The following ANKFY1 variants were observed in gnomAD, a reference collection of about 807,000 sequenced individuals.
ANKFY1 encodes ankyrin repeat and FYVE domain-containing protein 1.
A neutral mutation model predicts 128.3 loss-of-function variants in ANKFY1; 47 were observed. The ratio of observed to expected loss-of-function variants is 0.37; its 90% CI spans 0.29 to 0.47. ANKFY1 has a LOEUF of 0.47. ANKFY1 is among the 20% of genes least tolerant of loss of function. The pLI, the probability that ANKFY1 is intolerant of heterozygous loss-of-function variation, is 1.00. For missense variants in ANKFY1, 1,222 were observed against 1,510.6 expected (o/e 0.81, Z 3.17); for synonymous variants, 553 against 601.6 (o/e 0.92, Z 1.18).
At position 4,187,248 on chromosome 17, in the gene ANKFY1, G is replaced by A. The variant is rs2059628992; in HGVS notation, c.1470+2134C>T. On this transcript the variant is annotated intron_variant, in intron 11 of 24. Coordinates refer to ENST00000341657, the MANE Select transcript of ANKFY1 (RefSeq NM_001330063.2). ...TTGCCCTCGCTTCTGGGAGCCTCAA[G>A]CATGCGTGTCACAGACTGATTCTGC... The A allele has an allele frequency of 2.3e-5, 9 of 399,180 alleles. No homozygotes were observed. In the East Asian group the frequency reaches 3.2e-4, roughly 14 times the overall value. The allele number at this position is 399,180 out of a possible 1,614,324, so 24.7% of individuals were successfully genotyped here. A position where few individuals can be genotyped will look rare whatever the true frequency, so the allele number is the denominator to read the frequency against.
In ANKFY1 at chr17:4,179,813, C is replaced by T. The variant is rs1475797513; in HGVS notation, c.2305G>A (p.Asp769Asn). Residue 769 changes from aspartate to asparagine, a missense_variant, in exon 17 of 25, where the codon GAT becomes AAT. Asp to Asn is a conservative substitution (Grantham distance 23, BLOSUM62 1). Coordinates refer to ENST00000341657, the MANE Select transcript of ANKFY1 (RefSeq NM_001330063.2). The stretch of plus-strand genomic sequence containing the variant: ...GCCAAATGCAAAGGGGTCTGCCCAT[C>T]TCTAGCCTCTTCCTCTCCTTCTCCA... ...ANGEGEEEARDGQTPLHLAAS... is the reference protein window; with the variant it reads ...ANGEGEEEARNGQTPLHLAAS... 3.7e-6 allele frequency: 6 copies of T among 1,614,138 alleles called. No homozygotes were observed. In the African/African-American group the frequency reaches 4.0e-5, roughly 11 times the overall value.
chr17:4,183,295 A>T, intron 14 of ANKFY1, 103 bp downstream of exon 14: 1 of 1,397,946 alleles, frequency 7.2e-7, no homozygotes, highest in Non-Finnish European at 9.8e-7. Context: ...CCTTTCCTCT[A>T]ACTAATATGA....
At position 4,209,893 on chromosome 17, in the gene ANKFY1, G is replaced by A. The variant is rs1567946574; in HGVS notation, c.513C>T (p.Tyr171=). The A allele has an allele frequency of 6.2e-7, 1 of 1,614,040 alleles. No individual in the cohort carries two copies. The highest frequency in any genetic ancestry group is 8.5e-7 in the Non-Finnish European group (1 of 1,179,916). Residue 171 remains tyrosine, a synonymous_variant, in exon 5 of 25, where the codon TAC becomes TAT. Coordinates refer to ENST00000341657, the MANE Select transcript of ANKFY1 (RefSeq NM_001330063.2). ...LVNVRNCIRF[Y]QTAEELNAST... is the part of the protein sequence containing the mutation. ...TGGCATTCAGCTCCTCTGCCGTCTG[G>A]TAGAAGCGAATACAGTTCCTGACAT...
intron 1 of ANKFY1, among the ~76,000 whole-genome samples, chr17:4,257,459 T>C (rs1181189651): frequency 2.0e-5 from 3 of 152,146 alleles, no homozygotes. Flanking sequence ...CTTAACATAC[T>C]CTTCCAACTT....
intron 2 of ANKFY1, among the ~76,000 whole-genome samples, chr17:4,240,168 G>A (rs1188094166): frequency 3.4e-5 from 5 of 147,856 alleles, no homozygotes; most frequent in African/African-American, 1.2e-4. Context: ...GAGTTCAAGC[G>A]ATTCTCCTGC....
chr17:4,234,096 C>T (rs956266361), intron 3 of ANKFY1, among the ~76,000 whole-genome samples: 15 of 151,962 alleles, frequency 9.9e-5, no homozygotes, highest in African/African-American at 3.4e-4. Flanking sequence ...GCTGTACATG[C>T]TGTACAGTTA....
At chr17:4,202,973 A>C (rs1312378883) in intron 7 of ANKFY1, among the ~76,000 whole-genome samples, 3 of 119,092 alleles carry the variant, frequency 2.5e-5, no homozygotes, top group Non-Finnish European at 5.4e-5. Flanking sequence ...TTTACTTATA[A>C]TCATACACAT....
At chr17:4,263,246 C>T (rs935067799) in intron 1 of ANKFY1, among the ~76,000 whole-genome samples, 1 of 152,196 alleles carries the variant, frequency 6.6e-6, no homozygotes, top group Admixed American at 6.5e-5. Context: ...ATGAAAAGTG[C>T]ACGAGACCAG....
rs180834023 is a variant in ANKFY1, at chr17:4,211,044, A to C, written c.459-1097T>G. Among the ~76,000 whole-genome samples, 601 of 152,048 alleles carry C rather than the reference A, an allele frequency of 4.0e-3. 3 individuals carry two copies. Among genetic ancestry groups the C allele is most frequent in the Middle Eastern group, 0.014 (4 of 294 alleles). Reference sequence around the variant, plus strand: ...GAGACTCCATCAACAACAACAACAAAAAAAATAAAAAGAAAAAAAGAAAAA... The same window carrying C: ...GAGACTCCATCAACAACAACAACAACAAAAATAAAAAGAAAAAAAGAAAAA... On this transcript the variant is annotated intron_variant, in intron 4 of 24. Transcript: ENST00000341657.
chr17:4,210,727 A>AAAAAAAAAAC, intron 4 of ANKFY1, among the ~76,000 whole-genome samples: 1 of 150,578 alleles, frequency 6.6e-6, no homozygotes, highest in Non-Finnish European at 1.5e-5. Context: ...AAAAAAAAAA[A>AAAAAAAAAAC]AAAAAGCTCT....
At chr17:4,242,912 T>A (rs1441107532) in intron 1 of ANKFY1, among the ~76,000 whole-genome samples, 1 of 152,152 alleles carries the variant, frequency 6.6e-6, no homozygotes, top group Non-Finnish European at 1.5e-5. Flanking sequence ...TCCTTCACCA[T>A]AAAGCCAGGA....
Position 4,177,177 on chromosome 17 carries a change from G to C in ANKFY1, c.2724C>G (p.Thr908=), listed in dbSNP as rs755543744. 1.2e-5 allele frequency: 19 copies of C among 1,607,662 alleles called. No homozygotes were observed. Among genetic ancestry groups the C allele is most frequent in the Non-Finnish European group, 1.6e-5 (19 of 1,176,706 alleles). The change falls in exon 19 of 25, where the codon ACC becomes ACG. Residue 908 remains threonine, a synonymous_variant. Transcript: ENST00000341657. ...CTGCTTGGACAGCGAGGTGCAGGGG[G>C]GTCAACTTGGAGGCATCCTGGACTC... is the stretch of plus-strand genomic sequence containing the variant. ...NSRVQDASKL[T]PLHLAVQAGS...
intron 19 of ANKFY1, 55 bp downstream of exon 19, chr17:4,177,071 T>C: frequency 2.1e-6 from 3 of 1,442,156 alleles, no homozygotes; most frequent in Non-Finnish European, 2.8e-6. Flanking sequence ...CTGCACAAGC[T>C]CTACAATATG....
intron 17 of ANKFY1, 167 bp from the exon 18 acceptor site, chr17:4,179,224 C>T (rs775967698): frequency 1.4e-6 from 1 of 725,160 alleles, no homozygotes; most frequent in Non-Finnish European, 2.3e-6. Flanking sequence ...GACTAAATGT[C>T]ACTTCCTGTT....
At chr17:4,224,759 T>G (rs2060394733) in intron 3 of ANKFY1, among the ~76,000 whole-genome samples, 1 of 152,176 alleles carries the variant, frequency 6.6e-6, no homozygotes, top group Non-Finnish European at 1.5e-5. Context: ...GAAATTAGCT[T>G]TTCTGTGAAC....
At chr17:4,191,596 T>C (rs2059719036) in intron 10 of ANKFY1, among the ~76,000 whole-genome samples, 1 of 149,394 alleles carries the variant, frequency 6.7e-6, no homozygotes, top group African/African-American at 2.5e-5. Flanking sequence ...TCCTAGTTGA[T>C]GGTTACTCTA....
At chr17:4,223,072 G>A in intron 3 of ANKFY1, 1 of 729,136 alleles carries the variant, frequency 1.4e-6, no homozygotes. Context: ...ATTTTCCATG[G>A]GATTTTAATA....
chr17:4,167,835 G>A lies in ANKFY1; in HGVS notation c.3454C>T (p.Pro1152Ser), dbSNP rs753508116. The change falls in exon 25 of 25, where the codon CCT (proline) becomes TCT (serine). Residue 1152 changes from proline to serine, a missense_variant. Pro to Ser is a moderately conservative substitution (Grantham distance 74). Coordinates refer to ENST00000341657, the MANE Select transcript of ANKFY1 (RefSeq NM_001330063.2). This position sits in a 1 kb window ranked among gnomAD's most constrained non-coding sequence, Gnocchi z 4.1. ...IPIIKFDLNK[P>S]VRVCNICFDV... ...AAACAAATGTTGCAAACCCGCACAG[G>A]CTTGTTCAGATCAAACTTTATAATA... 6.2e-7 allele frequency: 1 copy of A among 1,614,088 alleles called. No homozygotes were observed.
intron 10 of ANKFY1, chr17:4,194,713 A>C (rs1188888019): frequency 2.2e-6 from 1 of 461,608 alleles, no homozygotes; most frequent in Non-Finnish European, 3.9e-6. Context: ...CGGTCAAAGG[A>C]ATTCTTGAGT....
Sources: gnomAD v4.1 joint callset for allele counts (sites outside exome capture counted in the v4.1 genomes callset) on GRCh38, gnomAD v4.1.1 for gene constraint, Gnocchi (gnomAD v3.1) non-coding constraint, MANE v1.5 for transcripts, NCBI Gene and HGNC (gene_info 2026-07-23, HGNC 2026-07-21) for gene names.